The following AFF3 variants were observed in gnomAD, a reference collection of about 807,000 sequenced individuals.
AFF3 encodes ALF transcription elongation factor 3, also known as AF4/FMR2 family member 3.
A neutral mutation model predicts 129.7 loss-of-function variants in AFF3; 32 were observed. The ratio of observed to expected loss-of-function variants is 0.25; its 90% CI spans 0.19 to 0.33. AFF3 has a LOEUF of 0.33. AFF3 is among the 10% of genes least tolerant of loss of function. The probability of loss-of-function intolerance (pLI) is 1.00; values close to 1 mark genes in which losing one functional copy is unlikely to be tolerated. For synonymous variants in AFF3, 644 were observed against 635.4 expected, an observed-to-expected ratio of 1.01 and a Z score of -0.20; for missense variants, 1,373 against 1,592.0, an observed-to-expected ratio of 0.86 and a Z score of 2.34.
chr2:99,736,126 T>C (rs1418463315), intron 10 of AFF3, among the ~76,000 whole-genome samples: 1 of 152,200 alleles, frequency 6.6e-6, no homozygotes, highest in Non-Finnish European at 1.5e-5. Context: ...TGTTGGGTAA[T>C]GTACTCTTGC....
intron 10 of AFF3, among the ~76,000 whole-genome samples, chr2:99,736,072 A>G (rs1680229076): frequency 2.0e-5 from 3 of 152,158 alleles, no homozygotes; most frequent in South Asian, 2.1e-4. Context: ...GTCAATTTTC[A>G]TAACTGTTCC....
intron 4 of AFF3, among the ~76,000 whole-genome samples, chr2:100,033,855 T>A (rs1439113589): frequency 1.3e-5 from 2 of 152,214 alleles, no homozygotes; most frequent in Non-Finnish European, 2.9e-5. Context: ...AAATTTACTA[T>A]ATAATAAAAT....
intron 8 of AFF3, among the ~76,000 whole-genome samples, chr2:99,826,907 A>T (rs1688129828): frequency 6.6e-6 from 1 of 152,084 alleles, no homozygotes; most frequent in South Asian, 2.1e-4. Flanking sequence ...TAGGAAAAGG[A>T]TGGTGGATGA....
At position 100,007,328 on chromosome 2, in the gene AFF3, T is replaced by A. The variant is rs774837886; in HGVS notation, c.307A>T (p.Thr103Ser). 7 of 1,614,086 alleles carry A rather than the reference T, an allele frequency of 4.3e-6. No individual in the cohort carries two copies. The East Asian group carries it at 6.7e-5, about 15-fold the overall frequency. ...VGVPKPGVPQ[T>S]PVNKIDEHFV... ...TGTTCATCGATCTTGTTCACAGGAG[T>A]CTGAGGAACCCCAGGTTTGGGAACT... The change falls in exon 6 of 25, where the codon ACT (threonine) becomes TCT (serine). Residue 103 changes from threonine to serine, a missense_variant. Physicochemically the swap from Thr to Ser is moderately conservative, Grantham distance 58. Around this residue, in one of 9 missense-constraint regions of AFF3, gnomAD observed 255 missense variants for 256.0 expected, o/e 1.00. Coordinates refer to ENST00000672756, the MANE Select transcript of AFF3 (RefSeq NM_001386135.1).
chr2:99,857,722 A>C (rs953161968), intron 7 of AFF3, among the ~76,000 whole-genome samples: 1 of 152,174 alleles, frequency 6.6e-6, no homozygotes, highest in African/African-American at 2.4e-5. Context: ...GGTCCTAAAA[A>C]TAATTAATCA....
At chr2:99,824,093 A>G (rs569887940) in intron 8 of AFF3, among the ~76,000 whole-genome samples, 1 of 152,268 alleles carries the variant, frequency 6.6e-6, no homozygotes, top group South Asian at 2.1e-4. Flanking sequence ...AAATAAGATT[A>G]AAATTATTAA....
intron 8 of AFF3, among the ~76,000 whole-genome samples, chr2:99,755,639 T>C (rs1682036001): frequency 6.6e-6 from 1 of 152,190 alleles, no homozygotes; most frequent in Non-Finnish European, 1.5e-5. Flanking sequence ...CTTCTTGACA[T>C]GTTCTTCTTC....
At chr2:100,082,511 C>T (rs1689113661) in intron 4 of AFF3, among the ~76,000 whole-genome samples, 3 of 152,178 alleles carry the variant, frequency 2.0e-5, no homozygotes, top group Non-Finnish European at 4.4e-5. Context: ...TGGATCACTT[C>T]TGTACTCTTG....
At chr2:100,137,750 T>C (rs1692694462) in intron 1 of AFF3, among the ~76,000 whole-genome samples, 1 of 152,176 alleles carries the variant, frequency 6.6e-6, no homozygotes, top group Non-Finnish European at 1.5e-5. Flanking sequence ...CCGTTCTCCA[T>C]AGGTGAAAGG....
chr2:99,581,103 C>G (rs546958170), intron 17 of AFF3, among the ~76,000 whole-genome samples: 1 of 152,328 alleles, frequency 6.6e-6, no homozygotes, highest in East Asian at 1.9e-4. Context: ...ATGGGATCCG[C>G]TGGATTGTTA....
chr2:99,703,224 C>A (rs1282274678), intron 11 of AFF3, among the ~76,000 whole-genome samples: 1 of 152,132 alleles, frequency 6.6e-6, no homozygotes, highest in Non-Finnish European at 1.5e-5. Flanking sequence ...AGGCGGCCTG[C>A]CTTTCTGGAC....
chr2:99,612,546 T>C (rs1464361405), intron 13 of AFF3, among the ~76,000 whole-genome samples: 2 of 152,258 alleles, frequency 1.3e-5, no homozygotes, highest in Non-Finnish European at 2.9e-5. Context: ...TTAAATGTTA[T>C]GTTCATAGTG....
At chr2:99,888,740 T>C (rs1043459426) in intron 7 of AFF3, among the ~76,000 whole-genome samples, 7 of 152,292 alleles carry the variant, frequency 4.6e-5, no homozygotes, top group Admixed American at 3.9e-4. Flanking sequence ...TGCAGCTGTC[T>C]TTGTCAAGCA....
chr2:100,123,901 TC>T (rs371490956), intron 2 of AFF3, among the ~76,000 whole-genome samples: 1 of 151,856 alleles, frequency 6.6e-6, no homozygotes, highest in South Asian at 2.1e-4. Flanking sequence ...AAGAATGCCT[TC>T]CCCCCTGAAA....
intron 4 of AFF3, among the ~76,000 whole-genome samples, chr2:100,082,685 G>T (rs1051487237): frequency 1.3e-5 from 2 of 152,110 alleles, no homozygotes; most frequent in Non-Finnish European, 2.9e-5. Flanking sequence ...GATATGTGAA[G>T]CTATTTAGTC....
intron 7 of AFF3, among the ~76,000 whole-genome samples, chr2:99,982,668 A>C (rs752677141): frequency 6.6e-5 from 10 of 152,226 alleles, no homozygotes; most frequent in African/African-American, 9.6e-5. Context: ...TCGAGGTCTC[A>C]GTTTCCAACT....
intron 8 of AFF3, among the ~76,000 whole-genome samples, chr2:99,810,742 C>T (rs765761457): frequency 1.3e-5 from 2 of 152,188 alleles, no homozygotes; most frequent in Admixed American, 6.5e-5. Flanking sequence ...AGTTTGACCG[C>T]TAAAAGTTTA....
intron 22 of AFF3, among the ~76,000 whole-genome samples, chr2:99,556,544 T>A (rs1180757872): frequency 6.6e-6 from 1 of 152,172 alleles, no homozygotes. Flanking sequence ...TTTTTAGAGA[T>A]AGCTCTGTAC....
At chr2:99,607,975 A>C (rs1316604687) in intron 13 of AFF3, among the ~76,000 whole-genome samples, 1 of 152,226 alleles carries the variant, frequency 6.6e-6, no homozygotes, top group Non-Finnish European at 1.5e-5. Context: ...CTAAAAAAAA[A>C]CCCAACTGGC....
Sources: allele counts gnomAD v4.1 joint callset (sites outside exome capture counted in the v4.1 genomes callset), GRCh38; gene constraint gnomAD v4.1.1; regional missense constraint gnomAD v4.1.1; transcripts MANE v1.5; gene names NCBI Gene and HGNC (gene_info 2026-07-23, HGNC 2026-07-21).